Variants in NCOA2 observed in about 807,000 individuals in gnomAD.
NCOA2 encodes the protein class E basic helix-loop-helix protein 75.
Under a neutral mutation model 145.1 loss-of-function variants are expected in NCOA2, and 21 were observed. The ratio of observed to expected loss-of-function variants is 0.14; its 90% CI spans 0.10 to 0.21. The LOEUF is 0.21. Among genes scored for constraint, NCOA2 ranks in the 10% least tolerant of loss-of-function variants. NCOA2 has a pLI of 1.00. For synonymous variants in NCOA2, 619 were observed against 637.5 expected, an observed-to-expected ratio of 0.97 and a Z score of 0.44; for missense variants, 1,472 against 1,837.6, an observed-to-expected ratio of 0.80 and a Z score of 3.64.
intron 1 of NCOA2, among the ~76,000 whole-genome samples, chr8:70,351,461 A>G (rs1465494160): frequency 6.6e-6 from 1 of 152,070 alleles, no homozygotes; most frequent in Non-Finnish European, 1.5e-5. Flanking sequence ...CCATCTAAAC[A>G]TATCCCTATT....
At chr8:70,178,334 A>G (rs1815096901) in intron 4 of NCOA2, among the ~76,000 whole-genome samples, 1 of 152,250 alleles carries the variant, frequency 6.6e-6, no homozygotes, top group Non-Finnish European at 1.5e-5. Flanking sequence ...TTTGAGGAAC[A>G]ACTGGAGGAA....
intron 4 of NCOA2, among the ~76,000 whole-genome samples, chr8:70,205,833 G>A (rs1045787039): frequency 7.2e-5 from 11 of 152,310 alleles, no homozygotes; most frequent in Middle Eastern, 3.4e-3. Flanking sequence ...TCACGAAGTC[G>A]GGGCAAATGA....
In NCOA2 at chr8:70,296,778, G is replaced by C. The variant is rs1398143170; in HGVS notation, c.-54C>G. 6.6e-6 allele frequency: 1 copy of C among 152,166 alleles called. No individual in the cohort carries two copies. Among genetic ancestry groups the C allele is most frequent in the Non-Finnish European group, 1.5e-5 (1 of 68,020 alleles). The allele number at this position is 152,166 out of a possible 1,614,324, so 9.4% of individuals were successfully genotyped here. A position where few individuals can be genotyped will look rare whatever the true frequency, so the allele number is the denominator to read the frequency against. On this transcript the variant is annotated 5_prime_UTR_variant, in exon 2 of 23. Transcript: ENST00000452400. ...TAAACAGTGCAGAAGATCTATAAGT[G>C]TGTAGCCAAATCCAAGAGAAATCTG...
intron 4 of NCOA2, among the ~76,000 whole-genome samples, chr8:70,181,622 C>CT (rs1452414585): frequency 6.6e-6 from 1 of 152,170 alleles, no homozygotes; most frequent in Non-Finnish European, 1.5e-5. Context: ...GATAGAATCT[C>CT]TGACTAAAAT....
intron 9 of NCOA2, among the ~76,000 whole-genome samples, chr8:70,162,497 T>C (rs1191632161): frequency 6.6e-6 from 1 of 152,226 alleles, no homozygotes; most frequent in African/African-American, 2.4e-5. Context: ...TTTGCCTGCC[T>C]CTGTGACACT....
chr8:70,141,525 G>T, intron 13 of NCOA2, 126 bp from the exon 14 acceptor site: 1 of 879,294 alleles, frequency 1.1e-6, no homozygotes. Context: ...AATAGCTAAT[G>T]TTCTCATTGG....
chr8:70,385,927 T>C (rs566628396), intron 1 of NCOA2, among the ~76,000 whole-genome samples: 1 of 152,246 alleles, frequency 6.6e-6, no homozygotes, highest in South Asian at 2.1e-4. Context: ...TAACTTGTGG[T>C]ACACAAAACA....
intron 1 of NCOA2, among the ~76,000 whole-genome samples, chr8:70,314,239 A>T (rs563230872): frequency 6.6e-6 from 1 of 150,758 alleles, no homozygotes; most frequent in Non-Finnish European, 1.5e-5. Context: ...TAAATGAGTA[A>T]GTCATATTTT....
rs181779583 is a variant in NCOA2, at chr8:70,232,189, C to T, written c.-19-15425G>A. On this transcript the variant is annotated intron_variant, in intron 2 of 22. Transcript: ENST00000452400. Reference sequence around the variant, plus strand: ...CCAACAGTCTTCAGTGTATGCCAGCCCCTGCCCCTTTCCGTCATTCTCAAG... The same window carrying T: ...CCAACAGTCTTCAGTGTATGCCAGCTCCTGCCCCTTTCCGTCATTCTCAAG... 1.7e-3 allele frequency among the ~76,000 whole-genome samples: 256 copies of T among 152,256 alleles called. 1 individual carries two copies. Among genetic ancestry groups the T allele is most frequent in the Non-Finnish European group, 3.2e-3 (220 of 68,012 alleles).
chr8:70,210,400 A>C (rs914226601), intron 4 of NCOA2, among the ~76,000 whole-genome samples: 2 of 152,156 alleles, frequency 1.3e-5, no homozygotes, highest in South Asian at 2.1e-4. Flanking sequence ...GCCAAAAAAA[A>C]CCCCACCAAC....
intron 2 of NCOA2, chr8:70,273,687 G>A (rs369583369): frequency 9.2e-6 from 6 of 653,056 alleles, no homozygotes; most frequent in Admixed American, 5.4e-5. Context: ...AACCAGCTTG[G>A]TGCAGGCAGT....
intron 2 of NCOA2, among the ~76,000 whole-genome samples, chr8:70,231,371 G>A (rs1265374268): frequency 6.6e-6 from 1 of 152,240 alleles, no homozygotes; most frequent in Non-Finnish European, 1.5e-5. Context: ...GTATGCCATA[G>A]GTGCAATATG....
chr8:70,190,074 C>G lies in NCOA2; in HGVS notation c.260-15215G>C, dbSNP rs531270205. On this transcript the variant is annotated intron_variant, in intron 4 of 22. Transcript: ENST00000452400. ...ATACACCTCAGGATGCTAACAGGGC[C>G]TAATTAGTTCTCTGAAGTATAACAG... Among the ~76,000 whole-genome samples the G allele has an allele frequency of 3.3e-5, 5 of 152,164 alleles. No homozygotes were observed. In the South Asian group the frequency reaches 1.0e-3, roughly 32 times the overall value.
At chr8:70,311,404 C>T (rs959117270) in intron 1 of NCOA2, among the ~76,000 whole-genome samples, 2 of 152,126 alleles carry the variant, frequency 1.3e-5, no homozygotes, top group Non-Finnish European at 2.9e-5. Context: ...TAGCACATTA[C>T]ATAGTAATTT....
chr8:70,301,550 G>C (rs1827487666), intron 1 of NCOA2, among the ~76,000 whole-genome samples: 1 of 150,492 alleles, frequency 6.6e-6, no homozygotes, highest in Non-Finnish European at 1.5e-5. Flanking sequence ...AGATACTCAT[G>C]AGGCTGGGAT....
chr8:70,113,666 T>C (rs751017134), intron 22 of NCOA2, 23 bp from the exon 23 acceptor site: 20 of 1,550,446 alleles, frequency 1.3e-5, no homozygotes, highest in East Asian at 2.4e-5. Context: ...AGATAAAAAG[T>C]TGTGAAACAT....
intron 2 of NCOA2, among the ~76,000 whole-genome samples, chr8:70,217,449 G>A (rs1044289305): frequency 2.0e-5 from 3 of 151,958 alleles, no homozygotes; most frequent in East Asian, 1.9e-4. Flanking sequence ...ACACAGCATG[G>A]TCACTTCCTC....
In NCOA2 at chr8:70,157,167, A is replaced by G; in HGVS notation, c.1198T>C (p.Ser400Pro). 6.2e-7 allele frequency: 1 copy of G among 1,604,628 alleles called. No homozygotes were observed. Among genetic ancestry groups the G allele is most frequent in the Non-Finnish European group, 8.5e-7 (1 of 1,173,536 alleles). ...TMGKPLNPIS[S>P]NSPAHQALCS... is the part of the protein sequence containing the mutation. ...AGGGCCTGATGGGCAGGGCTGTTAG[A>G]GCTAATTGGATTCAGTGGCTTCCCC... The change falls in exon 11 of 23, where the codon TCT becomes CCT. Residue 400 changes from serine (S) to proline (P), a missense_variant. Physicochemically the swap from Ser to Pro is moderately conservative, Grantham distance 74. Transcript: ENST00000452400.
chr8:70,124,023 C>T lies in NCOA2; in HGVS notation c.4154G>A (p.Ser1385Asn). ...GGACACATTGATGTTCATGTTGTTACTGTACATGCTGGTGTTTGCTTGCTG... is the reference window on the plus strand; with the variant it reads ...GGACACATTGATGTTCATGTTGTTATTGTACATGCTGGTGTTTGCTTGCTG... ...FGQQANTSMY[S>N]NNMNINVSMA... The change falls in exon 21 of 23, where the codon AGT (serine) becomes AAT (asparagine). Residue 1385 changes from serine (S) to asparagine (N), a missense_variant. Physicochemically the swap from Ser to Asn is conservative, Grantham distance 46 (BLOSUM62 1). Transcript: ENST00000452400. 1 of 1,614,010 alleles carries T rather than the reference C, an allele frequency of 6.2e-7. No individual in the cohort carries two copies. The highest frequency in any genetic ancestry group is 8.5e-7 in the Non-Finnish European group (1 of 1,179,888).
Sources: allele counts gnomAD v4.1 joint callset (sites outside exome capture counted in the v4.1 genomes callset), GRCh38; gene constraint gnomAD v4.1.1; transcripts MANE v1.5; gene names NCBI Gene and HGNC (gene_info 2026-07-23, HGNC 2026-07-21).